Variants in RBM47 observed in about 807,000 individuals in gnomAD.
The protein encoded by RBM47 is RNA-binding protein 47.
RBM47 carries 21 observed loss-of-function variants against 47.1 expected under a neutral mutation model. That is an observed-to-expected ratio of 0.45 (90% CI 0.32 to 0.64). The LOEUF is 0.64. Ranked by LOEUF, RBM47 falls within the 30% of genes least tolerant of loss-of-function variation. The pLI is 0.05. For missense variants in RBM47, 708 were observed against 870.9 expected (o/e 0.81, Z 2.35); for synonymous variants, 375 against 361.7 (o/e 1.04, Z -0.42).
chr4:40,479,974 C>CTTT (rs1720147349), intron 2 of RBM47, among the ~76,000 whole-genome samples: 1 of 99,316 alleles, frequency 1.0e-5, no homozygotes, highest in African/African-American at 4.1e-5. Context: ...GTATCATCTC[C>CTTT]ATTTTTTTTT....
Position 40,535,988 on chromosome 4 carries a change from A to G in RBM47, c.-155+8434T>C, listed in dbSNP as rs550696351. On this transcript the variant is annotated intron_variant, in intron 2 of 6. Transcript: ENST00000295971. The stretch of plus-strand genomic sequence containing the variant: ...AGTGCTGGGATTACAGGCGTGAGCC[A>G]CTGCGCCCAGCCTCTGGTATGGTAT... Among the ~76,000 whole-genome samples, 3 of 152,368 alleles carry G rather than the reference A, an allele frequency of 2.0e-5. No homozygotes were observed. In the East Asian group the frequency reaches 5.8e-4, roughly 29 times the overall value.
intron 2 of RBM47, among the ~76,000 whole-genome samples, chr4:40,482,856 CAGTTCTTATTTAAGCCT>C (rs1159141010): frequency 6.6e-6 from 1 of 152,112 alleles, no homozygotes; most frequent in Non-Finnish European, 1.5e-5. Context: ...CCTTGTGGTT[CAGTTCTTATTTAAGCCT>C]AGTTACCTGT....
chr4:40,603,326 C>G (rs1226690800), intron 1 of RBM47, among the ~76,000 whole-genome samples: 2 of 152,060 alleles, frequency 1.3e-5, no homozygotes, highest in African/African-American at 4.8e-5. Flanking sequence ...AATGAATAAG[C>G]CACAATTTTT....
chr4:40,607,901 TGAA>T (rs1304385304), intron 1 of RBM47, among the ~76,000 whole-genome samples: 1 of 152,094 alleles, frequency 6.6e-6, no homozygotes, highest in African/African-American at 2.4e-5. Flanking sequence ...GTTCAAGAGT[TGAA>T]GACCAGCCTG....
chr4:40,528,265 G>A (rs1726953058), intron 2 of RBM47, among the ~76,000 whole-genome samples: 1 of 152,090 alleles, frequency 6.6e-6, no homozygotes, highest in African/African-American at 2.4e-5. Flanking sequence ...ACAAAAATTA[G>A]TTGGGCGTGG....
intron 1 of RBM47, among the ~76,000 whole-genome samples, chr4:40,573,571 C>T (rs1306026205): frequency 2.6e-5 from 4 of 151,538 alleles, no homozygotes; most frequent in Non-Finnish European, 5.9e-5. Context: ...GGTGAAACCC[C>T]ATCTCTACAA....
chr4:40,586,245 A>G (rs1733570153), intron 1 of RBM47, among the ~76,000 whole-genome samples: 1 of 152,202 alleles, frequency 6.6e-6, no homozygotes, highest in Admixed American at 6.5e-5. Flanking sequence ...TTTGAGGTAA[A>G]GAACTCTGTT....
intron 2 of RBM47, among the ~76,000 whole-genome samples, chr4:40,499,218 A>G (rs956552968): frequency 2.6e-5 from 4 of 152,182 alleles, no homozygotes; most frequent in Non-Finnish European, 4.4e-5. Flanking sequence ...AACAAAACCA[A>G]TTAGTACATA....
intron 3 of RBM47, among the ~76,000 whole-genome samples, chr4:40,464,909 A>G (rs1577700618): frequency 6.7e-6 from 1 of 150,042 alleles, no homozygotes; most frequent in African/African-American, 2.4e-5. Context: ...AAAAAAAAAA[A>G]AAAAAAAGGA....
intron 3 of RBM47, among the ~76,000 whole-genome samples, chr4:40,445,226 A>T (rs1471647496): frequency 6.7e-6 from 1 of 150,312 alleles, no homozygotes; most frequent in Non-Finnish European, 1.5e-5. Context: ...GTGAGCCGAG[A>T]TCACACCACT....
intron 2 of RBM47, among the ~76,000 whole-genome samples, chr4:40,512,550 T>C (rs1347895072): frequency 6.7e-6 from 1 of 150,184 alleles, no homozygotes; most frequent in Non-Finnish European, 1.5e-5. Flanking sequence ...ACCCTGTCTC[T>C]ACAAAAATAC....
intron 6 of RBM47, among the ~76,000 whole-genome samples, chr4:40,427,887 T>C (rs1000043007): frequency 6.6e-6 from 1 of 151,910 alleles, no homozygotes; most frequent in East Asian, 1.9e-4. Flanking sequence ...ATAATGATAA[T>C]TATAACAATT....
intron 2 of RBM47, among the ~76,000 whole-genome samples, chr4:40,497,612 A>T (rs977815414): frequency 5.3e-5 from 8 of 151,856 alleles, no homozygotes; most frequent in Non-Finnish European, 8.8e-5. Flanking sequence ...ATAATTTTTT[A>T]AAAAATTTTA....
At chr4:40,528,956 AT>A (rs1727066346) in intron 2 of RBM47, among the ~76,000 whole-genome samples, 3 of 147,018 alleles carry the variant, frequency 2.0e-5, no homozygotes, top group South Asian at 2.3e-4. Flanking sequence ...AAAAAAATAA[AT>A]AAATAAATAA....
chr4:40,488,463 G>C (rs1187761374), intron 2 of RBM47, among the ~76,000 whole-genome samples: 1 of 152,052 alleles, frequency 6.6e-6, no homozygotes, highest in Non-Finnish European at 1.5e-5. Context: ...AATTTGTTTA[G>C]GAAAATATTT....
At chr4:40,598,096 G>A (rs1734917831) in intron 1 of RBM47, among the ~76,000 whole-genome samples, 1 of 152,166 alleles carries the variant, frequency 6.6e-6, no homozygotes. Flanking sequence ...GCAGAGTAGT[G>A]TGACAAGGAT....
At chr4:40,502,513 T>C (rs1010039944) in intron 2 of RBM47, among the ~76,000 whole-genome samples, 2 of 152,138 alleles carry the variant, frequency 1.3e-5, no homozygotes, top group Admixed American at 6.5e-5. Context: ...CAATGAGTGC[T>C]CGTGAATCAG....
intron 3 of RBM47, among the ~76,000 whole-genome samples, chr4:40,445,205 C>T (rs1354215530): frequency 6.8e-6 from 1 of 147,078 alleles, no homozygotes; most frequent in African/African-American, 2.5e-5. Flanking sequence ...GCCCGAGAGT[C>T]GGAGCTTGCA....
chr4:40,553,658 A>G (rs1037815268), intron 1 of RBM47, among the ~76,000 whole-genome samples: 1 of 152,168 alleles, frequency 6.6e-6, no homozygotes, highest in Admixed American at 6.6e-5. Flanking sequence ...TGTGAGCTCC[A>G]TGATAAGGGA....
Sources: allele counts gnomAD v4.1 joint callset (sites outside exome capture counted in the v4.1 genomes callset), GRCh38; gene constraint gnomAD v4.1.1; transcripts MANE v1.5; gene names NCBI Gene and HGNC (gene_info 2026-07-23, HGNC 2026-07-21).